Variants in ANKRD44 observed in about 807,000 individuals in gnomAD.
ANKRD44 encodes the protein ankyrin repeat domain 44.
A neutral mutation model predicts 116.0 loss-of-function variants in ANKRD44; 35 were observed. That is an observed-to-expected ratio of 0.30 (90% confidence interval 0.23 to 0.40). The LOEUF is 0.40. Among genes scored for constraint, ANKRD44 ranks in the 10% least tolerant of loss-of-function variants. ANKRD44 has a pLI of 1.00. For synonymous variants in ANKRD44, 435 were observed against 461.8 expected (o/e 0.94, Z 0.74); for missense variants, 1,014 against 1,242.6 (o/e 0.82, Z 2.77).
At chr2:197,156,063 C>T (rs1386977792) in intron 2 of ANKRD44, among the ~76,000 whole-genome samples, 7 of 152,000 alleles carry the variant, frequency 4.6e-5, no homozygotes, top group Admixed American at 2.0e-4. Flanking sequence ...CAATGCTCAC[C>T]GGGCCGGGCG....
intron 1 of ANKRD44, among the ~76,000 whole-genome samples, chr2:197,274,673 C>T (rs2083022186): frequency 6.6e-6 from 1 of 152,196 alleles, no homozygotes; most frequent in Non-Finnish European, 1.5e-5. Context: ...GCATCTCACA[C>T]CCCAGATTCC....
At chr2:197,286,046 T>C (rs528755129) in intron 1 of ANKRD44, among the ~76,000 whole-genome samples, 6 of 152,224 alleles carry the variant, frequency 3.9e-5, no homozygotes, top group Non-Finnish European at 7.3e-5. Context: ...CTGGCCAATT[T>C]GGCACAAGGA....
chr2:197,143,441 A>G (rs2079420914), intron 3 of ANKRD44, among the ~76,000 whole-genome samples: 1 of 145,726 alleles, frequency 6.9e-6, no homozygotes, highest in African/African-American at 2.5e-5. Context: ...ATGAGTCAGA[A>G]CATGCGGTGT....
intron 1 of ANKRD44, among the ~76,000 whole-genome samples, chr2:197,217,790 T>C (rs1034528535): frequency 6.6e-6 from 1 of 152,198 alleles, no homozygotes; most frequent in Non-Finnish European, 1.5e-5. Flanking sequence ...GTTAAATGAA[T>C]GAGTTGGAAG....
chr2:197,143,762 T>G (rs2079431783), intron 3 of ANKRD44, among the ~76,000 whole-genome samples: 1 of 152,112 alleles, frequency 6.6e-6, no homozygotes, highest in Non-Finnish European at 1.5e-5. Flanking sequence ...CCTGAGTAGC[T>G]GGGATTACAG....
chr2:197,001,811 C>T lies in ANKRD44; in HGVS notation c.2377G>A (p.Glu793Lys). Residue 793 changes from glutamate (E) to lysine (K), a missense_variant, in exon 22 of 28, where the codon GAG becomes AAG. Glu to Lys is a moderately conservative substitution (Grantham distance 56). Coordinates refer to ENST00000282272, the MANE Select transcript of ANKRD44 (RefSeq NM_001195144.2). ...ATAAATTTGCGAAAACATTTTTGCT[C>T]CAAAAGTACCTCTATACAGTTTTCA... ...GNENCIEVLL[E>K]QKCFRKFIGN... 1 of 1,613,114 alleles carries T rather than the reference C, an allele frequency of 6.2e-7. No homozygotes were observed. Among genetic ancestry groups the T allele is most frequent in the Non-Finnish European group, 8.5e-7 (1 of 1,179,570 alleles).
chr2:197,015,790 T>G, intron 17 of ANKRD44: 1 of 436,604 alleles, frequency 2.3e-6, no homozygotes, highest in East Asian at 5.3e-5. Flanking sequence ...AGGGGGTAGA[T>G]ATGGTGGTGG....
chr2:197,248,576 G>GTATATATATATATATATATATATA lies in ANKRD44; in HGVS notation c.28-61471_28-61470insTATATATATATATATATATATATA, dbSNP rs1318550760. Reference sequence around the variant, plus strand: ...TATATGTGTGTGTGTGTGTGTGTGTGTGTATATATATATATAAAGAGAGAG... The same window carrying GTATATATATATATATATATATATA: ...TATATGTGTGTGTGTGTGTGTGTGTGTATATATATATATATATATATATATGTATATATATATATAAAGAGAGAG... On this transcript the variant is annotated intron_variant, in intron 1 of 27. Coordinates refer to ENST00000282272, the MANE Select transcript of ANKRD44 (RefSeq NM_001195144.2). Among the ~76,000 whole-genome samples the GTATATATATATATATATATATATA allele has an allele frequency of 4.8e-3, 532 of 110,324 alleles. 5 individuals are homozygous for GTATATATATATATATATATATATA. The highest frequency in any genetic ancestry group is 0.015 in the African/African-American group (483 of 32,714). The allele number at this position is 110,324 out of a possible 152,430, so 72.4% of individuals were successfully genotyped here.
chr2:197,075,325 G>A (rs1001048539), intron 16 of ANKRD44, among the ~76,000 whole-genome samples: 13 of 152,044 alleles, frequency 8.6e-5, no homozygotes, highest in African/African-American at 2.9e-4. Context: ...TTTCTTTTCA[G>A]AGCCAGTAAG....
chr2:197,007,852 T>C lies in ANKRD44; in HGVS notation c.2084A>G (p.Asn695Ser), dbSNP rs200707966. The change falls in exon 20 of 28, where the codon AAC (asparagine) becomes AGC (serine). Residue 695 changes from asparagine (N) to serine (S), a missense_variant. By Grantham distance (46) the Asn-to-Ser change is conservative. Transcript: ENST00000282272. ...AVSLLLEKEA[N>S]VDTVDILGCT... Reference sequence around the variant, plus strand: ...TCCTAGGATGTCAACAGTGTCTACGTTGGCTTCCTTTTCAAGTAACAATGA... The same window carrying C: ...TCCTAGGATGTCAACAGTGTCTACGCTGGCTTCCTTTTCAAGTAACAATGA... The C allele has an allele frequency of 1.9e-5, 31 of 1,613,970 alleles. No individual in the cohort carries two copies. Among genetic ancestry groups the C allele is most frequent in the African/African-American group, 9.3e-5 (7 of 74,912 alleles).
intron 2 of ANKRD44, among the ~76,000 whole-genome samples, chr2:197,162,985 C>T (rs1276759694): frequency 6.6e-6 from 1 of 152,138 alleles, no homozygotes; most frequent in Non-Finnish European, 1.5e-5. Context: ...GACAGAGAAC[C>T]GGTTGTCTAC....
chr2:197,101,834 A>G (rs1439022594), intron 9 of ANKRD44, among the ~76,000 whole-genome samples: 1 of 152,148 alleles, frequency 6.6e-6, no homozygotes, highest in Admixed American at 6.5e-5. Flanking sequence ...TGCTTATATT[A>G]TCTATATAAG....
At chr2:196,983,459 C>T (rs576067883), downstream of ANKRD44, among the ~76,000 whole-genome samples, 1 of 152,294 alleles carries the variant, frequency 6.6e-6, no homozygotes, top group African/African-American at 2.4e-5. Flanking sequence ...GCCTTTTCCT[C>T]TCCCTAGAAT....
Position 196,988,215 on chromosome 2 carries a change from T to C in ANKRD44, c.*1376A>G, listed in dbSNP as rs2075861379. The C allele has an allele frequency of 1.0e-6, 1 of 985,330 alleles. No individual in the cohort carries two copies. Among genetic ancestry groups the C allele is most frequent in the Non-Finnish European group, 1.2e-6 (1 of 829,940 alleles). The allele number at this position is 985,330 out of a possible 1,614,324, so 61.0% of individuals were successfully genotyped here. A position where few individuals can be genotyped will look rare whatever the true frequency, so the allele number is the denominator to read the frequency against. Reference sequence around the variant, plus strand: ...CCATTAAAGCAAGCATTTCATTTCCTGCTTGAAATGCCAACTGAGCAAGAT... The same window carrying C: ...CCATTAAAGCAAGCATTTCATTTCCCGCTTGAAATGCCAACTGAGCAAGAT... On this transcript the variant is annotated 3_prime_UTR_variant, in exon 28 of 28. Transcript: ENST00000282272.
chr2:197,026,840 G>T (rs549267358), intron 16 of ANKRD44, among the ~76,000 whole-genome samples: 42 of 152,210 alleles, frequency 2.8e-4, no homozygotes, highest in Admixed American at 9.2e-4. Flanking sequence ...CAGTTGGATT[G>T]TGGATATTTT....
At chr2:196,978,949 T>G (rs1163536554) in intron 21 of ANKRD44, among the ~76,000 whole-genome samples, 1 of 151,654 alleles carries the variant, frequency 6.6e-6, no homozygotes, top group East Asian at 1.9e-4. Context: ...ATCAAGCATT[T>G]TGTTTTCTTT....
Position 197,069,668 on chromosome 2 carries a change from A to G in ANKRD44, c.1650+9035T>C, listed in dbSNP as rs936410645. ...ATATATTATATATTCAAGCTATATAATAATTCTTGAAATTAGGTAGACTGA... is the reference window on the plus strand; with the variant it reads ...ATATATTATATATTCAAGCTATATAGTAATTCTTGAAATTAGGTAGACTGA... On this transcript the variant is annotated intron_variant, in intron 16 of 27. Coordinates refer to ENST00000282272, the MANE Select transcript of ANKRD44 (RefSeq NM_001195144.2). Among the ~76,000 whole-genome samples the G allele has an allele frequency of 4.6e-5, 7 of 152,282 alleles. No individual in the cohort carries two copies. In the East Asian group the frequency reaches 9.6e-4, roughly 21 times the overall value.
intron 1 of ANKRD44, among the ~76,000 whole-genome samples, chr2:197,197,168 G>A (rs1306914017): frequency 2.0e-5 from 3 of 152,064 alleles, no homozygotes. Flanking sequence ...TAGTCTTTCA[G>A]GAAGCATCTT....
intron 1 of ANKRD44, among the ~76,000 whole-genome samples, chr2:197,298,086 T>A (rs551671184): frequency 6.6e-6 from 1 of 152,344 alleles, no homozygotes; most frequent in South Asian, 2.1e-4. Flanking sequence ...TCTGAAGCAA[T>A]GGTGAAACCA....
Sources: allele counts gnomAD v4.1 joint callset (sites outside exome capture counted in the v4.1 genomes callset), GRCh38; gene constraint gnomAD v4.1.1; transcripts MANE v1.5; gene names NCBI Gene and HGNC (gene_info 2026-07-23, HGNC 2026-07-21).